Variants in MYO1E observed in about 807,000 individuals in gnomAD.
The protein encoded by MYO1E is myosin IE.
A neutral mutation model predicts 151.1 loss-of-function variants in MYO1E; 68 were observed. The ratio of observed to expected loss-of-function variants is 0.45; its 90% CI spans 0.37 to 0.55. The LOEUF (loss-of-function observed/expected upper bound fraction) is 0.55, where lower values mean the gene tolerates loss of function less well. Ranked by LOEUF, MYO1E falls within the 20% of genes least tolerant of loss-of-function variation. The probability of loss-of-function intolerance (pLI) is 0.00; values close to 1 mark genes in which losing one functional copy is unlikely to be tolerated. For synonymous variants in MYO1E, 601 were observed against 501.7 expected, an observed-to-expected ratio of 1.20 and a Z score of -2.64; for missense variants, 1,363 against 1,389.3, an observed-to-expected ratio of 0.98 and a Z score of 0.30.
chr15:59,371,364 G>A (rs1448790670), intron 1 of MYO1E, among the ~76,000 whole-genome samples: 1 of 151,956 alleles, frequency 6.6e-6, no homozygotes, highest in Non-Finnish European at 1.5e-5. Context: ...ACCAGAAGAG[G>A]ACGAGATAAT....
chr15:59,175,717 T>G (rs1249776286), intron 19 of MYO1E, among the ~76,000 whole-genome samples: 11 of 152,236 alleles, frequency 7.2e-5, no homozygotes, highest in African/African-American at 2.4e-4. Context: ...GAGTAAGTCT[T>G]GTTTCCTTCT....
Position 59,207,997 on chromosome 15 carries a change from A to G in MYO1E, c.1530+684T>C, listed in dbSNP as rs1322836886. On this transcript the variant is annotated intron_variant, in intron 14 of 27. Coordinates refer to ENST00000288235, the MANE Select transcript of MYO1E (RefSeq NM_004998.4). ...GGGAGAGAACGGTATTACCAACCTT[A>G]TAAAGATAAAGCTGACCCCTGAAGA... is the stretch of plus-strand genomic sequence containing the variant. 6.2e-6 allele frequency: 10 copies of G among 1,613,560 alleles called. No individual in the cohort carries two copies. The highest frequency in any genetic ancestry group is 5.0e-5 in the Admixed American group (3 of 59,916).
At chr15:59,361,827 AATTT>A (rs1420624563) in intron 1 of MYO1E, among the ~76,000 whole-genome samples, 25 of 151,666 alleles carry the variant, frequency 1.6e-4, no homozygotes, top group African/African-American at 5.8e-4. Flanking sequence ...TTTTTTAATT[AATTT>A]ATTAATTAAT....
chr15:59,339,884 G>T (rs1370648676), intron 1 of MYO1E, among the ~76,000 whole-genome samples: 7 of 140,748 alleles, frequency 5.0e-5, no homozygotes, highest in Non-Finnish European at 1.1e-4. Context: ...GTCTTGCTCT[G>T]TCGCCTAGCC....
chr15:59,207,540 T>C, intron 14 of MYO1E: 1 of 1,614,078 alleles, frequency 6.2e-7, no homozygotes. Context: ...GGAAGTTGAG[T>C]GCATTTCCCA....
chr15:59,195,194 G>T (rs2079759077), intron 17 of MYO1E, among the ~76,000 whole-genome samples: 1 of 152,086 alleles, frequency 6.6e-6, no homozygotes, highest in Non-Finnish European at 1.5e-5. Flanking sequence ...ATGAGGTTAT[G>T]TTTTGTTTTT....
chr15:59,232,952 A>G (rs930794308), intron 5 of MYO1E, among the ~76,000 whole-genome samples: 1 of 152,098 alleles, frequency 6.6e-6, no homozygotes, highest in Non-Finnish European at 1.5e-5. Flanking sequence ...TAGCCATGGC[A>G]CCAAGGGCAA....
At chr15:59,197,688 C>A (rs201801884) in intron 16 of MYO1E, among the ~76,000 whole-genome samples, 1 of 152,194 alleles carries the variant, frequency 6.6e-6, no homozygotes, top group African/African-American at 2.4e-5. Flanking sequence ...ACAATCCTAT[C>A]CTGCCTTGCT....
chr15:59,265,923 C>T (rs1484821260), intron 2 of MYO1E, among the ~76,000 whole-genome samples: 1 of 151,200 alleles, frequency 6.6e-6, no homozygotes, highest in African/African-American at 2.4e-5. Context: ...ACTGTGATCA[C>T]ACCATTGCTC....
intron 4 of MYO1E, among the ~76,000 whole-genome samples, chr15:59,251,770 C>A (rs1834616951): frequency 6.6e-6 from 1 of 152,250 alleles, no homozygotes; most frequent in South Asian, 2.1e-4. Context: ...AACAAAATTA[C>A]ATTTAAAAAT....
intron 4 of MYO1E, among the ~76,000 whole-genome samples, chr15:59,240,929 G>A (rs1228309963): frequency 2.0e-5 from 3 of 152,222 alleles, no homozygotes; most frequent in Non-Finnish European, 4.4e-5. Context: ...GCTCCTGTCA[G>A]AGAAGAGCTC....
intron 18 of MYO1E, among the ~76,000 whole-genome samples, chr15:59,186,407 A>G (rs1478880437): frequency 6.6e-6 from 1 of 151,240 alleles, no homozygotes; most frequent in Non-Finnish European, 1.5e-5. Flanking sequence ...CTGAATTTTA[A>G]AAAAAAAAAC....
At chr15:59,276,662 T>C (rs16941224) in intron 1 of MYO1E, among the ~76,000 whole-genome samples, 3,078 of 152,318 alleles carry the variant, frequency 0.02, 103 homozygotes, top group African/African-American at 0.071. Flanking sequence ...ATAGCCTGGT[T>C]TGTTGCTAAC....
intron 26 of MYO1E, among the ~76,000 whole-genome samples, chr15:59,146,556 C>T (rs1195928827): frequency 1.3e-5 from 2 of 152,086 alleles, no homozygotes; most frequent in Non-Finnish European, 2.9e-5. Context: ...CTCAAGTGAT[C>T]CTCCTGCCTC....
rs28545683 is a variant in MYO1E, at chr15:59,210,028, T to C, written c.1362+486A>G. Among the ~76,000 whole-genome samples, 416 of 151,900 alleles carry C rather than the reference T, an allele frequency of 2.7e-3. 2 individuals are homozygous for C. Among genetic ancestry groups the C allele is most frequent in the African/African-American group, 9.1e-3 (378 of 41,446 alleles). ...TTTTGTATTTAGCTAATACAATTTT[T>C]GTATTAGCTAAATTTTGTGTTTAGA... is the stretch of plus-strand genomic sequence containing the variant. On this transcript the variant is annotated intron_variant, in intron 13 of 27. Transcript: ENST00000288235.
At chr15:59,231,166 T>C (rs1387535527) in intron 6 of MYO1E, among the ~76,000 whole-genome samples, 3 of 152,150 alleles carry the variant, frequency 2.0e-5, no homozygotes, top group Admixed American at 1.3e-4. Context: ...TTAGGTTACA[T>C]GAGTAGGGCA....
At chr15:59,359,326 ATT>A (rs373414121) in intron 1 of MYO1E, among the ~76,000 whole-genome samples, 21 of 136,492 alleles carry the variant, frequency 1.5e-4, no homozygotes, top group African/African-American at 5.0e-4. Flanking sequence ...ATATATATAT[ATT>A]TTTTTTTTTA....
intron 4 of MYO1E, among the ~76,000 whole-genome samples, chr15:59,244,333 C>T (rs749391210): frequency 2.2e-4 from 33 of 152,352 alleles, no homozygotes; most frequent in Non-Finnish European, 4.4e-4. Flanking sequence ...CCAGCTACTT[C>T]CCAGCTCTGA....
rs1566961430 is a variant in MYO1E at position 59,137,463 on chromosome 15, G to A, written c.3251-7C>T. ...GTCCACCAGCCAGAAGGATCTGCAG[G>A]GAGAGAGAGGTGGTGGAAGTGAAGA... is the stretch of plus-strand genomic sequence containing the variant. On this transcript the variant is annotated splice_polypyrimidine_tract_variant and splice_region_variant and intron_variant, in intron 27 of 27. Transcript: ENST00000288235. 6.2e-7 allele frequency: 1 copy of A among 1,613,600 alleles called. No homozygotes were observed. Among genetic ancestry groups the A allele is most frequent in the Non-Finnish European group, 8.5e-7 (1 of 1,179,550 alleles).
Sources: gnomAD v4.1 joint callset for allele counts (sites outside exome capture counted in the v4.1 genomes callset) on GRCh38, gnomAD v4.1.1 for gene constraint, MANE v1.5 for transcripts, NCBI Gene and HGNC (gene_info 2026-07-23, HGNC 2026-07-21) for gene names.